Variants in CA8 observed in about 807,000 individuals in gnomAD.
CA8 encodes the protein carbonic anhydrase 8 (inactive), also known as carbonic anhydrase-related protein.
CA8 carries 22 observed loss-of-function variants against 41.4 expected under a neutral mutation model. The ratio of observed to expected loss-of-function variants is 0.53; its 90% CI spans 0.38 to 0.76. The LOEUF is 0.76. Among genes scored for constraint, CA8 ranks in the 30% least tolerant of loss-of-function variants. The pLI is 0.00. For missense variants in CA8, 270 were observed against 352.8 expected (o/e 0.77, Z 1.88); for synonymous variants, 121 against 130.6 (o/e 0.93, Z 0.50).
At chr8:60,247,645 C>T (rs186418787) in intron 3 of CA8, among the ~76,000 whole-genome samples, 1 of 152,246 alleles carries the variant, frequency 6.6e-6, no homozygotes, top group African/African-American at 2.4e-5. Context: ...TTTCTTTATC[C>T]AGTCTTTCAT....
At position 60,227,174 on chromosome 8, in the gene CA8, C is replaced by T. The variant is rs61651160; in HGVS notation, c.514-239G>A. ...GGCATGGTGGCACACCCCTGAAGTC[C>T]CAGCTACTCAGGAGGGTGAGGAAGA... On this transcript the variant is annotated intron_variant, in intron 4 of 8. Coordinates refer to ENST00000317995, the MANE Select transcript of CA8 (RefSeq NM_004056.6). Among the ~76,000 whole-genome samples the T allele has an allele frequency of 7.3e-3, 1,103 of 152,068 alleles. 16 individuals are homozygous for T. The highest frequency in any genetic ancestry group is 0.025 in the African/African-American group (1,034 of 41,476).
chr8:60,216,864 A>C (rs1244044215), intron 7 of CA8, among the ~76,000 whole-genome samples: 1 of 152,198 alleles, frequency 6.6e-6, no homozygotes, highest in Non-Finnish European at 1.5e-5. Flanking sequence ...TCAATAAATT[A>C]AGATTTGTTG....
chr8:60,239,538 C>G (rs2130516393), intron 3 of CA8, among the ~76,000 whole-genome samples: 2 of 152,258 alleles, frequency 1.3e-5, no homozygotes, highest in Middle Eastern at 6.8e-3. Flanking sequence ...AGAAAATTTA[C>G]AAATTTGTGT....
intron 3 of CA8, among the ~76,000 whole-genome samples, chr8:60,259,187 C>A (rs148926821): frequency 1.5e-4 from 23 of 152,192 alleles, no homozygotes; most frequent in African/African-American, 4.1e-4. Context: ...CAGTTATGGA[C>A]TATATATTCA....
chr8:60,247,981 T>C (rs1808308111), intron 3 of CA8, among the ~76,000 whole-genome samples: 1 of 152,252 alleles, frequency 6.6e-6, no homozygotes, highest in Admixed American at 6.5e-5. Context: ...ATTATGGTTT[T>C]GATTTGCGTT....
intron 3 of CA8, chr8:60,265,714 T>C: frequency 1.8e-6 from 1 of 566,050 alleles, no homozygotes; most frequent in South Asian, 2.1e-5. Context: ...TCTGGCCATG[T>C]GCTCATGCGC....
At position 60,187,141 on chromosome 8, in the gene CA8, C is replaced by T. The variant is rs1172005957; in HGVS notation, c.*2880G>A. 1.3e-5 allele frequency among the ~76,000 whole-genome samples: 2 copies of T among 151,944 alleles called. No individual in the cohort carries two copies. Among genetic ancestry groups the T allele is most frequent in the African/African-American group, 2.4e-5 (1 of 41,400 alleles). ...GATCATATAAAGTATGTTTTCTGAT[C>T]ACAACAGAAAAAAATTATAAATCAA... is the stretch of plus-strand genomic sequence containing the variant. On this transcript the variant is annotated 3_prime_UTR_variant, in exon 9 of 9. Transcript: ENST00000317995.
chr8:60,267,574 A>G (rs1168431510), intron 2 of CA8, among the ~76,000 whole-genome samples: 1 of 152,180 alleles, frequency 6.6e-6, no homozygotes, highest in Non-Finnish European at 1.5e-5. Flanking sequence ...CTCCACAGAC[A>G]GGGCAGAAAA....
At chr8:60,219,270 T>C (rs762829110) in intron 7 of CA8, among the ~76,000 whole-genome samples, 3 of 152,010 alleles carry the variant, frequency 2.0e-5, no homozygotes, top group East Asian at 1.9e-4. Flanking sequence ...GCAATTCTCC[T>C]GCCTCAGCCT....
rs532104510 is a variant in CA8, at chr8:60,280,016, T to C, written c.101-136A>G. 34 of 656,354 alleles carry C rather than the reference T, an allele frequency of 5.2e-5. No homozygotes were observed. The East Asian group carries it at 8.7e-4, about 17-fold the overall frequency. The allele number at this position is 656,354 out of a possible 1,614,324, so 40.7% of individuals were successfully genotyped here. A position where few individuals can be genotyped will look rare whatever the true frequency, so the allele number is the denominator to read the frequency against. Reference sequence around the variant, plus strand: ...ATACCATCACTATACAGATGAAATATGGTAATTCTATTTGTTTTTGCATTC... The same window carrying C: ...ATACCATCACTATACAGATGAAATACGGTAATTCTATTTGTTTTTGCATTC... On this transcript the variant is annotated intron_variant, in intron 1 of 8. Coordinates refer to ENST00000317995, the MANE Select transcript of CA8 (RefSeq NM_004056.6).
chr8:60,273,458 A>G (rs1804133627), intron 2 of CA8, among the ~76,000 whole-genome samples: 1 of 152,240 alleles, frequency 6.6e-6, no homozygotes, highest in Admixed American at 6.5e-5. Context: ...CAGAGAGCCT[A>G]TCACTGTGGC....
chr8:60,213,908 T>C (rs1806927148), intron 7 of CA8, among the ~76,000 whole-genome samples: 1 of 152,116 alleles, frequency 6.6e-6, no homozygotes, highest in Non-Finnish European at 1.5e-5. Context: ...CTGATCTCAA[T>C]TACATGTAAA....
At chr8:60,214,301 CCT>C (rs1404882949) in intron 7 of CA8, among the ~76,000 whole-genome samples, 10 of 152,278 alleles carry the variant, frequency 6.6e-5, no homozygotes, top group African/African-American at 2.2e-4. Context: ...CTGTGTGAAG[CCT>C]CTTTCTTAAG....
intron 3 of CA8, among the ~76,000 whole-genome samples, chr8:60,251,627 C>T (rs917996849): frequency 1.3e-5 from 2 of 152,144 alleles, no homozygotes; most frequent in Non-Finnish European, 2.9e-5. Flanking sequence ...AAAATAACAT[C>T]GTATTTGGTC....
intron 8 of CA8, 85 bp from the exon 9 acceptor site, chr8:60,190,070 A>AGAGAT (rs1400134159): frequency 6.6e-6 from 1 of 152,000 alleles, no homozygotes; most frequent in Non-Finnish European, 1.5e-5. Flanking sequence ...TTACAGTACA[A>AGAGAT]GAGATAGTAA....
chr8:60,258,350 G>C (rs184771490), intron 3 of CA8, among the ~76,000 whole-genome samples: 278 of 152,254 alleles, frequency 1.8e-3, no homozygotes, highest in African/African-American at 6.3e-3. Context: ...CATTTGTATA[G>C]GAAAAAACGA....
chr8:60,196,248 AATG>A (rs1342991290), intron 8 of CA8, among the ~76,000 whole-genome samples: 1 of 152,200 alleles, frequency 6.6e-6, no homozygotes, highest in African/African-American at 2.4e-5. Flanking sequence ...CAAAATCTAT[AATG>A]ATAATAATAG....
intron 3 of CA8, among the ~76,000 whole-genome samples, chr8:60,244,534 TA>T (rs1464730943): frequency 1.3e-5 from 2 of 152,200 alleles, no homozygotes; most frequent in Admixed American, 6.5e-5. Flanking sequence ...TTTTTAGTAA[TA>T]AGCATGCACA....
intron 3 of CA8, among the ~76,000 whole-genome samples, chr8:60,250,007 A>G (rs1808392453): frequency 6.6e-6 from 1 of 152,196 alleles, no homozygotes; most frequent in African/African-American, 2.4e-5. Context: ...CAGAAATATA[A>G]TATCCCTTTG....
Sources: gnomAD v4.1 joint callset for allele counts (sites outside exome capture counted in the v4.1 genomes callset) on GRCh38, gnomAD v4.1.1 for gene constraint, MANE v1.5 for transcripts, NCBI Gene and HGNC (gene_info 2026-07-23, HGNC 2026-07-21) for gene names.